Variants in EXOC4 observed in about 807,000 individuals in gnomAD.
EXOC4 encodes the protein SEC8-like 1.
In EXOC4, 71 loss-of-function variants were observed where a neutral mutation model predicts 107.2. The ratio of observed to expected loss-of-function variants is 0.66; its 90% CI spans 0.55 to 0.81. The LOEUF (loss-of-function observed/expected upper bound fraction) is 0.81. Ranked by LOEUF, EXOC4 falls within the 30% of genes least tolerant of loss-of-function variation. EXOC4 has a pLI of 0.00. For synonymous variants in EXOC4, 456 were observed against 441.2 expected (o/e 1.03, Z -0.42); for missense variants, 1,108 against 1,189.6 (o/e 0.93, Z 1.01).
intron 7 of EXOC4, among the ~76,000 whole-genome samples, chr7:133,377,617 GAA>G (rs1277806819): frequency 6.6e-6 from 1 of 152,110 alleles, no homozygotes; most frequent in East Asian, 1.9e-4. Flanking sequence ...AATATCAGGA[GAA>G]ATGGTGACCA....
chr7:133,867,962 G>A (rs1798676095), intron 11 of EXOC4, among the ~76,000 whole-genome samples: 1 of 152,158 alleles, frequency 6.6e-6, no homozygotes. Flanking sequence ...GTGAATCTGA[G>A]GTTATTTCAT....
intron 17 of EXOC4, among the ~76,000 whole-genome samples, chr7:134,044,939 G>A (rs1269020187): frequency 1.3e-5 from 2 of 152,170 alleles, no homozygotes; most frequent in African/African-American, 4.8e-5. Context: ...GGGAGGTAGG[G>A]TATGATAGTG....
intron 9 of EXOC4, among the ~76,000 whole-genome samples, chr7:133,589,345 A>G (rs957319172): frequency 2.6e-5 from 4 of 152,194 alleles, no homozygotes; most frequent in Non-Finnish European, 5.9e-5. Flanking sequence ...TGCCCTGAGC[A>G]TCTCAAAAAA....
chr7:133,283,841 A>G (rs931969683), intron 2 of EXOC4, among the ~76,000 whole-genome samples: 9 of 152,112 alleles, frequency 5.9e-5, no homozygotes, highest in African/African-American at 2.2e-4. Flanking sequence ...AACTTCGTAC[A>G]TTATTCCCTC....
intron 7 of EXOC4, among the ~76,000 whole-genome samples, chr7:133,386,938 C>T (rs1187365365): frequency 6.6e-6 from 1 of 152,034 alleles, no homozygotes; most frequent in Non-Finnish European, 1.5e-5. Flanking sequence ...GTATTGAACC[C>T]CATTATTTGG....
intron 8 of EXOC4, chr7:133,478,828 G>T (rs186912233): frequency 1.3e-5 from 2 of 152,270 alleles, no homozygotes; most frequent in African/African-American, 4.8e-5. Context: ...TTGGAGGTCA[G>T]TGGCTTCTTT....
chr7:133,310,538 G>C (rs1467692076), intron 4 of EXOC4, among the ~76,000 whole-genome samples: 4 of 152,176 alleles, frequency 2.6e-5, no homozygotes, highest in African/African-American at 9.7e-5. Context: ...GAATTTATTG[G>C]AAAGTTATCA....
At chr7:133,780,794 G>A (rs1001753808) in intron 10 of EXOC4, among the ~76,000 whole-genome samples, 4 of 152,168 alleles carry the variant, frequency 2.6e-5, no homozygotes, top group African/African-American at 9.7e-5. Context: ...GCTCCCCAAA[G>A]CGGATTCTCT....
chr7:133,359,197 A>T (rs759248921), intron 6 of EXOC4, among the ~76,000 whole-genome samples: 5 of 152,202 alleles, frequency 3.3e-5, no homozygotes, highest in Non-Finnish European at 7.3e-5. Flanking sequence ...GATAATTTTG[A>T]GCTAGTCTCT....
At chr7:133,994,013 G>A (rs765093580) in intron 14 of EXOC4, among the ~76,000 whole-genome samples, 4 of 152,170 alleles carry the variant, frequency 2.6e-5, no homozygotes, top group Non-Finnish European at 5.9e-5. Context: ...CTGTTGGTTC[G>A]CCAAAAAGGC....
chr7:133,395,534 G>A (rs906709853), intron 7 of EXOC4, among the ~76,000 whole-genome samples: 40 of 152,106 alleles, frequency 2.6e-4, no homozygotes, highest in African/African-American at 8.7e-4. Context: ...GAAGTTCACA[G>A]TATCAAAGGA....
chr7:134,048,782 C>T (rs147614407), intron 17 of EXOC4, among the ~76,000 whole-genome samples: 143 of 152,246 alleles, frequency 9.4e-4, no homozygotes, highest in African/African-American at 3.3e-3. Context: ...CCATCCTTCT[C>T]TCTTTGAGGT....
chr7:133,475,916 G>A (rs1308398825), intron 8 of EXOC4, among the ~76,000 whole-genome samples: 1 of 151,812 alleles, frequency 6.6e-6, no homozygotes, highest in Admixed American at 6.6e-5. Flanking sequence ...GAACAATCTG[G>A]GTTTTTTTTT....
In EXOC4 at chr7:133,873,273, AC is replaced by A. The variant is rs199692645; in HGVS notation, c.1735-22322del. On this transcript the variant is annotated intron_variant, in intron 11 of 17. Coordinates refer to ENST00000253861, the MANE Select transcript of EXOC4 (RefSeq NM_021807.4). Reference sequence around the variant, plus strand: ...ATAAAAGCAAAAGTTCCTCTGCCTCACCCCAAGTTGAAAACAATCACAACGG... The same window carrying A: ...ATAAAAGCAAAAGTTCCTCTGCCTCACCCAAGTTGAAAACAATCACAACGG... 8.2e-3 allele frequency among the ~76,000 whole-genome samples: 1,252 copies of A among 152,316 alleles called. 11 individuals are homozygous for A. The highest frequency in any genetic ancestry group is 0.01 in the Non-Finnish European group (690 of 68,034).
At chr7:133,620,725 C>T (rs1312085149) in intron 9 of EXOC4, among the ~76,000 whole-genome samples, 1 of 152,104 alleles carries the variant, frequency 6.6e-6, no homozygotes, top group Non-Finnish European at 1.5e-5. Context: ...GTAGGGTTCC[C>T]CAGCTCACAC....
At chr7:134,053,369 A>G (rs1795843408) in intron 17 of EXOC4, among the ~76,000 whole-genome samples, 1 of 152,054 alleles carries the variant, frequency 6.6e-6, no homozygotes, top group African/African-American at 2.4e-5. Context: ...GCTCTTAATC[A>G]TTTAAGCCTT....
At position 133,773,464 on chromosome 7, in the gene EXOC4, T is replaced by TTA. The variant is rs1796284998; in HGVS notation, c.1515-43860_1515-43859insAT. The stretch of plus-strand genomic sequence containing the variant: ...TGTTAATCTGTGTATTTACTAGGTT[T>TTA]TTATTATTATTATTATTATTATTAT... On this transcript the variant is annotated intron_variant, in intron 10 of 17. Coordinates refer to ENST00000253861, the MANE Select transcript of EXOC4 (RefSeq NM_021807.4). Among the ~76,000 whole-genome samples, 159 of 149,294 alleles carry TTA rather than the reference T, an allele frequency of 1.1e-3. 1 individual carries two copies. Among genetic ancestry groups the TTA allele is most frequent in the African/African-American group, 3.6e-3 (146 of 40,460 alleles).
chr7:133,554,550 T>C (rs1470344870), intron 9 of EXOC4, among the ~76,000 whole-genome samples: 1 of 152,110 alleles, frequency 6.6e-6, no homozygotes, highest in Admixed American at 6.6e-5. Context: ...AAAATCACCA[T>C]GAATCAGAAT....
At chr7:133,296,952 C>T (rs957180949) in intron 3 of EXOC4, among the ~76,000 whole-genome samples, 1 of 152,120 alleles carries the variant, frequency 6.6e-6, no homozygotes, top group Admixed American at 6.6e-5. Flanking sequence ...CCAGGTAATG[C>T]CAATATGCAG....
Sources: gnomAD v4.1 joint callset for allele counts (sites outside exome capture counted in the v4.1 genomes callset) on GRCh38, gnomAD v4.1.1 for gene constraint, MANE v1.5 for transcripts, NCBI Gene and HGNC (gene_info 2026-07-23, HGNC 2026-07-21) for gene names.